TAF1A: variants seen among roughly 807,000 people sequenced by gnomAD.
The protein encoded by TAF1A is TATA box-binding protein-associated factor RNA polymerase I subunit A.
A neutral mutation model predicts 61.6 loss-of-function variants in TAF1A; 42 were observed. That is an observed-to-expected ratio of 0.68 (90% confidence interval 0.53 to 0.88). TAF1A has a LOEUF of 0.88. Ranked by LOEUF, TAF1A falls within the 40% of genes least tolerant of loss-of-function variation. The probability of loss-of-function intolerance (pLI) is 0.00; values close to 1 mark genes in which losing one functional copy is unlikely to be tolerated. For missense variants in TAF1A, 424 were observed against 518.7 expected (o/e 0.82, Z 1.77); for synonymous variants, 179 against 177.7 (o/e 1.01, Z -0.06).
intron 3 of TAF1A, among the ~76,000 whole-genome samples, chr1:222,583,527 T>C (rs1233804299): frequency 1.3e-5 from 2 of 152,118 alleles, no homozygotes; most frequent in South Asian, 2.1e-4. Context: ...TGGGGGAAGT[T>C]TGGGTCAAGA....
chr1:222,571,353 T>G (rs1660342599), intron 5 of TAF1A, among the ~76,000 whole-genome samples: 1 of 152,134 alleles, frequency 6.6e-6, no homozygotes. Flanking sequence ...TCACTACTTT[T>G]GTTCATTATA....
At position 222,563,924 on chromosome 1, in the gene TAF1A, A is replaced by G. The variant is rs539300997; in HGVS notation, c.961+135T>C. On this transcript the variant is annotated intron_variant, in intron 8 of 10. Coordinates refer to ENST00000352967, the MANE Select transcript of TAF1A (RefSeq NM_005681.4). ...GCAAAAGCAGCCGCAGACAATACAGAAACAGATGGACTCCAACAGAACTTG... is the reference window on the plus strand; with the variant it reads ...GCAAAAGCAGCCGCAGACAATACAGGAACAGATGGACTCCAACAGAACTTG... 9.6e-4 allele frequency: 601 copies of G among 626,980 alleles called. 7 individuals are homozygous for G. In the South Asian group the frequency reaches 0.011, roughly 11 times the overall value. The allele number at this position is 626,980 out of a possible 1,614,324, so 38.8% of individuals were successfully genotyped here.
chr1:222,585,829 T>C (rs1332902530), intron 2 of TAF1A, among the ~76,000 whole-genome samples: 6 of 152,122 alleles, frequency 3.9e-5, no homozygotes, highest in Non-Finnish European at 7.4e-5. Context: ...TTAAAATGAA[T>C]AACGCAAGGT....
At chr1:222,571,383 C>T (rs1407602525) in intron 5 of TAF1A, among the ~76,000 whole-genome samples, 1 of 151,876 alleles carries the variant, frequency 6.6e-6, no homozygotes, top group Non-Finnish European at 1.5e-5. Context: ...CCAGCCAGGA[C>T]AATTAAGCAA....
rs1659786324 is a variant in TAF1A, at chr1:222,558,438, G to A, written c.*222C>T. ...TTTGAAGAATTATTCCTTAACAAAT[G>A]TAACATTTAACATTACAAAAAAGAA... On this transcript the variant is annotated 3_prime_UTR_variant, in exon 11 of 11. Transcript: ENST00000352967. The A allele has an allele frequency of 4.5e-6, 1 of 224,200 alleles. No individual in the cohort carries two copies. The highest frequency in any genetic ancestry group is 5.5e-5 in the Admixed American group (1 of 18,036). 13.9% of individuals were successfully genotyped at this position (224,200 alleles called of 1,614,324 possible).
chr1:222,588,871 C>T (rs1310602030), intron 1 of TAF1A, among the ~76,000 whole-genome samples: 1 of 152,086 alleles, frequency 6.6e-6, no homozygotes, highest in African/African-American at 2.4e-5. Context: ...AATAACAAAA[C>T]AATATGAAAA....
intron 7 of TAF1A, among the ~76,000 whole-genome samples, chr1:222,566,884 C>T (rs746845015): frequency 6.6e-6 from 1 of 152,202 alleles, no homozygotes; most frequent in Non-Finnish European, 1.5e-5. Flanking sequence ...CTGTAGAAAA[C>T]AGTTTGACAA....
chr1:222,578,252 AGAG>A (rs1427641476), intron 4 of TAF1A, among the ~76,000 whole-genome samples: 1 of 152,224 alleles, frequency 6.6e-6, no homozygotes, highest in Non-Finnish European at 1.5e-5. Context: ...AAGACATTAA[AGAG>A]GAGAATAATG....
intron 3 of TAF1A, among the ~76,000 whole-genome samples, chr1:222,581,957 T>G (rs532518527): frequency 3.9e-5 from 6 of 152,322 alleles, no homozygotes; most frequent in Non-Finnish European, 8.8e-5. Context: ...ATAATGAGAC[T>G]GGGGATAGGA....
chr1:222,557,216 T>A (rs1192478851), downstream of TAF1A, among the ~76,000 whole-genome samples: 1 of 152,216 alleles, frequency 6.6e-6, no homozygotes, highest in Non-Finnish European at 1.5e-5. Context: ...TACTAGTTAT[T>A]CCAGCAGTAA....
chr1:222,575,917 TAAG>T (rs1475474494), intron 5 of TAF1A, among the ~76,000 whole-genome samples: 1 of 152,182 alleles, frequency 6.6e-6, no homozygotes, highest in African/African-American at 2.4e-5. Context: ...TAACCATGTA[TAAG>T]AAGAAAAGTA....
intron 2 of TAF1A, among the ~76,000 whole-genome samples, chr1:222,586,379 G>C (rs1205334643): frequency 1.3e-5 from 2 of 152,158 alleles, no homozygotes; most frequent in Non-Finnish European, 2.9e-5. Flanking sequence ...TTTCACAACT[G>C]AGATTATAAA....
At chr1:222,586,310 C>T (rs1419479521) in intron 2 of TAF1A, among the ~76,000 whole-genome samples, 1 of 152,206 alleles carries the variant, frequency 6.6e-6, no homozygotes, top group Non-Finnish European at 1.5e-5. Context: ...TTAAAACATC[C>T]CTTATTTACC....
downstream of TAF1A, among the ~76,000 whole-genome samples, chr1:222,555,672 A>G (rs1330182623): frequency 6.6e-6 from 1 of 152,188 alleles, no homozygotes; most frequent in Non-Finnish European, 1.5e-5. Context: ...TGTATTACAT[A>G]CTTGTAATTT....
intron 9 of TAF1A, among the ~76,000 whole-genome samples, 199 bp downstream of exon 9, chr1:222,562,974 A>C (rs1659974134): frequency 1.3e-5 from 2 of 152,200 alleles, no homozygotes; most frequent in East Asian, 3.8e-4. Flanking sequence ...TGGCATAAAA[A>C]AATTGATAGA....
intron 5 of TAF1A, among the ~76,000 whole-genome samples, chr1:222,573,805 C>G (rs1246798679): frequency 6.6e-6 from 1 of 152,080 alleles, no homozygotes; most frequent in African/African-American, 2.4e-5. Context: ...CATAAATGTT[C>G]ACAGCAATGT....
chr1:222,564,571 G>A (rs978471046), intron 7 of TAF1A, among the ~76,000 whole-genome samples: 1 of 152,140 alleles, frequency 6.6e-6, no homozygotes, highest in Admixed American at 6.5e-5. Context: ...AAAAAGGCTG[G>A]GAGTTAATTT....
At chr1:222,574,319 C>T (rs147792957) in intron 5 of TAF1A, among the ~76,000 whole-genome samples, 2 of 152,224 alleles carry the variant, frequency 1.3e-5, no homozygotes, top group African/African-American at 4.8e-5. Context: ...CTACACCCAA[C>T]AAATTGGCTG....
At chr1:222,557,802 C>G (rs888827239), downstream of TAF1A, 4 of 151,960 alleles carry the variant, frequency 2.6e-5, no homozygotes, top group African/African-American at 9.7e-5. Context: ...AATTAGTCCT[C>G]TAGAGTCAAA....
Sources: gnomAD v4.1 joint callset for allele counts (sites outside exome capture counted in the v4.1 genomes callset) on GRCh38, gnomAD v4.1.1 for gene constraint, MANE v1.5 for transcripts, NCBI Gene and HGNC (gene_info 2026-07-23, HGNC 2026-07-21) for gene names.